The following WDR41 variants were observed in gnomAD, a reference collection of about 807,000 sequenced individuals.
WDR41 encodes WD repeat-containing protein 41.
A neutral mutation model predicts 69.3 loss-of-function variants in WDR41; 63 were observed. That is an observed-to-expected ratio of 0.91 (90% confidence interval 0.74 to 1.12). The LOEUF is 1.12. Ranked by LOEUF, WDR41 falls within the 50% of genes most tolerant of loss-of-function variation. The pLI is 0.00. For synonymous variants in WDR41, 185 were observed against 192.1 expected, an observed-to-expected ratio of 0.96 and a Z score of 0.31; for missense variants, 543 against 534.5, an observed-to-expected ratio of 1.02 and a Z score of -0.16.
intron 1 of WDR41, among the ~76,000 whole-genome samples, chr5:77,550,968 AC>A (rs1743284586): frequency 6.6e-6 from 1 of 152,180 alleles, no homozygotes; most frequent in Non-Finnish European, 1.5e-5. Context: ...ACCAAATACC[AC>A]AGGTTCTCAC....
intron 1 of WDR41, among the ~76,000 whole-genome samples, chr5:77,561,297 T>G (rs962949183): frequency 6.6e-6 from 1 of 152,210 alleles, no homozygotes; most frequent in Non-Finnish European, 1.5e-5. Context: ...TTTTTCATTT[T>G]GTGAAGCACA....
intron 1 of WDR41, among the ~76,000 whole-genome samples, chr5:77,534,299 C>T (rs527700283): frequency 6.6e-6 from 1 of 151,814 alleles, no homozygotes; most frequent in South Asian, 2.1e-4. Context: ...AGATAATATT[C>T]TAGAACAAAT....
chr5:77,554,111 T>C (rs778938356), intron 1 of WDR41, among the ~76,000 whole-genome samples: 17 of 152,228 alleles, frequency 1.1e-4, no homozygotes, highest in Non-Finnish European at 2.2e-4. Context: ...AGTCGGTTGA[T>C]ACATATGACT....
At chr5:77,494,926 T>C (rs1195410193), upstream of WDR41, among the ~76,000 whole-genome samples, 1 of 152,152 alleles carries the variant, frequency 6.6e-6, no homozygotes, top group African/African-American at 2.4e-5. Context: ...CAATCAATTT[T>C]AAAAGATAGA....
chr5:77,612,739 A>C (rs1412194024), intron 1 of WDR41, among the ~76,000 whole-genome samples: 5 of 151,470 alleles, frequency 3.3e-5, no homozygotes, highest in South Asian at 2.1e-4. Context: ...GGCACAAGAC[A>C]GGGATGCCCT....
chr5:77,548,147 A>G (rs1049141120), intron 1 of WDR41, among the ~76,000 whole-genome samples: 2 of 152,270 alleles, frequency 1.3e-5, no homozygotes, highest in Non-Finnish European at 2.9e-5. Flanking sequence ...TGGATTAAGT[A>G]CTTAAATCTA....
intron 4 of WDR41, among the ~76,000 whole-genome samples, chr5:77,461,494 C>T (rs1800059140): frequency 6.6e-6 from 1 of 152,208 alleles, no homozygotes; most frequent in Admixed American, 6.5e-5. Flanking sequence ...CAAAACTTCA[C>T]CAATGCTTGA....
At chr5:77,579,109 T>C (rs945260596) in intron 1 of WDR41, among the ~76,000 whole-genome samples, 7 of 151,526 alleles carry the variant, frequency 4.6e-5, no homozygotes, top group South Asian at 4.2e-4. Flanking sequence ...CAAAGAAAGA[T>C]AGAAAAAGGA....
At chr5:77,469,056 C>G (rs1165273018) in intron 2 of WDR41, among the ~76,000 whole-genome samples, 1 of 152,136 alleles carries the variant, frequency 6.6e-6, no homozygotes, top group Non-Finnish European at 1.5e-5. Flanking sequence ...GAATACTATG[C>G]AGCCATAAAA....
intron 1 of WDR41, among the ~76,000 whole-genome samples, chr5:77,498,378 T>C (rs1801965112): frequency 6.6e-6 from 1 of 152,196 alleles, no homozygotes; most frequent in South Asian, 2.1e-4. Context: ...AAAAGACTAT[T>C]GAAAAAGTCT....
At chr5:77,597,604 C>T (rs903848640) in intron 1 of WDR41, among the ~76,000 whole-genome samples, 1 of 152,120 alleles carries the variant, frequency 6.6e-6, no homozygotes, top group Non-Finnish European at 1.5e-5. Context: ...TATCATATAC[C>T]TCTTTACGTA....
At chr5:77,618,369 AGTT>A (rs1744715268) in intron 1 of WDR41, among the ~76,000 whole-genome samples, 1 of 151,208 alleles carries the variant, frequency 6.6e-6, no homozygotes, top group Admixed American at 6.6e-5. Context: ...TGACTAAACA[AGTT>A]TTTTTTTTTT....
At chr5:77,560,792 T>A (rs2066987) in intron 1 of WDR41, among the ~76,000 whole-genome samples, 10,467 of 152,254 alleles carry the variant, frequency 0.069, 488 homozygotes, top group Admixed American at 0.14. Flanking sequence ...AAACTTTGAA[T>A]CTTCCTTGTC....
At chr5:77,441,349 G>A (rs185599448) in intron 8 of WDR41, among the ~76,000 whole-genome samples, 22 of 152,264 alleles carry the variant, frequency 1.4e-4, no homozygotes, top group Middle Eastern at 3.4e-3. Context: ...GTTAAAGGAT[G>A]GAAGAAGATA....
chr5:77,477,239 C>A (rs922495322), intron 2 of WDR41, among the ~76,000 whole-genome samples: 5 of 150,392 alleles, frequency 3.3e-5, no homozygotes, highest in Non-Finnish European at 5.9e-5. Context: ...ACTTTAACAC[C>A]CCACTGTCAA....
intron 12 of WDR41, among the ~76,000 whole-genome samples, chr5:77,434,026 G>C (rs1461495881): frequency 6.6e-6 from 1 of 152,118 alleles, no homozygotes; most frequent in African/African-American, 2.4e-5. Context: ...TCGAAGGAAA[G>C]GGTGAAATAA....
chr5:77,546,469 T>C (rs758444896), intron 1 of WDR41, among the ~76,000 whole-genome samples: 12 of 152,040 alleles, frequency 7.9e-5, no homozygotes, highest in South Asian at 2.1e-4. Flanking sequence ...ATACAAAAGA[T>C]GACTCAAGGC....
Position 77,433,297 on chromosome 5 carries a change from A to AAATT in WDR41, c.1228-14_1228-11dup. ...CAAAGTATAGAAACATCTGTAAAGA[A>AAATT]AATTAAAACTGATTATAGGGACCCC... On this transcript the variant is annotated splice_polypyrimidine_tract_variant and intron_variant, in intron 12 of 12. Coordinates refer to ENST00000296679, the MANE Select transcript of WDR41 (RefSeq NM_018268.4). The AAATT allele has an allele frequency of 6.2e-7, 1 of 1,607,838 alleles. No individual in the cohort carries two copies. Among genetic ancestry groups the AAATT allele is most frequent in the Non-Finnish European group, 8.5e-7 (1 of 1,178,056 alleles).
intron 1 of WDR41, among the ~76,000 whole-genome samples, chr5:77,531,374 A>G (rs536779641): frequency 1.3e-5 from 2 of 152,122 alleles, no homozygotes; most frequent in East Asian, 3.9e-4. Context: ...TCCAAGGAAA[A>G]TATATAAATG....
Sources: allele counts gnomAD v4.1 joint callset (sites outside exome capture counted in the v4.1 genomes callset), GRCh38; gene constraint gnomAD v4.1.1; transcripts MANE v1.5; gene names NCBI Gene and HGNC (gene_info 2026-07-23, HGNC 2026-07-21).